LTBP2: variants seen among roughly 807,000 people sequenced by gnomAD.
LTBP2 encodes the protein latent transforming growth factor beta binding protein 2.
In LTBP2, 103 loss-of-function variants were observed where a neutral mutation model predicts 210.6. The observed-to-expected ratio is 0.49, with a 90% CI of 0.42 to 0.58. The LOEUF is 0.58. LTBP2 is among the 20% of genes least tolerant of loss of function. The probability of loss-of-function intolerance (pLI) is 0.00; values close to 1 mark genes in which losing one functional copy is unlikely to be tolerated. For missense variants in LTBP2, 2,313 were observed against 2,494.5 expected (o/e 0.93, Z 1.55); for synonymous variants, 1,007 against 1,015.0 (o/e 0.99, Z 0.15).
chr14:74,522,723 C>A (rs76633404), intron 16 of LTBP2, 67 bp downstream of exon 16: 4 of 1,535,164 alleles, frequency 2.6e-6, no homozygotes, highest in Middle Eastern at 1.8e-4. Context: ...ACTCTCAACT[C>A]GGCCTCTTAG....
At chr14:74,591,580 CTT>C (rs1213559614) in intron 2 of LTBP2, among the ~76,000 whole-genome samples, 1 of 152,240 alleles carries the variant, frequency 6.6e-6, no homozygotes, top group Non-Finnish European at 1.5e-5. Context: ...CGCATCCTCT[CTT>C]GTTTTCACAA....
chr14:74,535,954 G>A lies in LTBP2; in HGVS notation c.1836C>T (p.Tyr612=), dbSNP rs371516716. ...GGCAGTGAGTGAGGTTCAGTCTCTT[G>A]TACCCCTGAGGACACTCCAGCTGGC... The part of the protein sequence containing the change: ...ENGQLECPQG[Y]KRLNLTHCQD... The change falls in exon 9 of 36, where the codon TAC becomes TAT. Residue 612 remains tyrosine, a synonymous_variant. Transcript: ENST00000261978. The A allele has an allele frequency of 1.2e-5, 19 of 1,614,040 alleles. No homozygotes were observed. Among genetic ancestry groups the A allele is most frequent in the Middle Eastern group, 1.6e-4 (1 of 6,084 alleles).
rs763400358 is a variant in LTBP2, at chr14:74,507,228, A to G, written c.3858T>C (p.Val1286=). ...CENSPGSYRC[V]LGCQPGFHMA... is the part of the protein sequence containing the mutation. Reference sequence around the variant, plus strand: ...TGTGGAAGCCAGGCTGGCAGCCCAGAACACAGCGGTAGGAGCCAGGGCTGT... The same window carrying G: ...TGTGGAAGCCAGGCTGGCAGCCCAGGACACAGCGGTAGGAGCCAGGGCTGT... The change falls in exon 26 of 36, where the codon GTT becomes GTC. Residue 1286 remains valine (V), a synonymous_variant. Transcript: ENST00000261978. 2 of 1,614,162 alleles carry G rather than the reference A, an allele frequency of 1.2e-6. No individual in the cohort carries two copies. The highest frequency in any genetic ancestry group is 1.6e-4 in the Middle Eastern group (1 of 6,062).
At chr14:74,539,140 T>A (rs2087460181) in intron 8 of LTBP2, among the ~76,000 whole-genome samples, 1 of 152,240 alleles carries the variant, frequency 6.6e-6, no homozygotes, top group Admixed American at 6.5e-5. Context: ...TGGGTACACA[T>A]GGTCATGTCT....
At position 74,506,763 on chromosome 14, in the gene LTBP2, T is replaced by A; in HGVS notation, c.3968A>T (p.Asp1323Val). 6.2e-7 allele frequency: 1 copy of A among 1,614,002 alleles called. No homozygotes were observed. Among genetic ancestry groups the A allele is most frequent in the Non-Finnish European group, 8.5e-7 (1 of 1,180,006 alleles). Residue 1323 changes from aspartate (D) to valine (V), a missense_variant, in exon 27 of 36, where the codon GAT becomes GTT. Physicochemically the swap from Asp to Val is radical, Grantham distance 152. Transcript: ENST00000261978. ...CGSHGFCDNT[D>V]GSFRCLCDQG... ...GTCACAGAGGCAGCGGAAGGAGCCA[T>A]CAGTGTTGTCACAGAAGCCGTGGCT...
At chr14:74,513,538 C>T (rs1048950775) in intron 18 of LTBP2, among the ~76,000 whole-genome samples, 4 of 152,214 alleles carry the variant, frequency 2.6e-5, no homozygotes, top group Non-Finnish European at 2.9e-5. Context: ...CATGGTGACT[C>T]GCGCCTGTAA....
chr14:74,558,211 C>G (rs2087752764), intron 3 of LTBP2, among the ~76,000 whole-genome samples: 1 of 152,138 alleles, frequency 6.6e-6, no homozygotes, highest in Non-Finnish European at 1.5e-5. Flanking sequence ...ACCAGCCTGA[C>G]CAACAGAGAG....
In LTBP2 at chr14:74,505,170, C is replaced by T. The variant is rs1340035393; in HGVS notation, c.4182G>A (p.Gln1394=). The T allele has an allele frequency of 2.5e-6, 4 of 1,612,714 alleles. No individual in the cohort carries two copies. Among genetic ancestry groups the T allele is most frequent in the Admixed American group, 1.7e-5 (1 of 60,034 alleles). The part of the protein sequence containing the change: ...GHCRPRGAGG[Q]SMSEAPTGDH... ...CCCCCGTTGGGGCCTCAGACATACTCTGACCTGTGCGTGACAGATGCTCAT... is the reference window on the plus strand; with the variant it reads ...CCCCCGTTGGGGCCTCAGACATACTTTGACCTGTGCGTGACAGATGCTCAT... The change falls in exon 29 of 36, where the codon CAG becomes CAA. Residue 1394 remains glutamine, a synonymous_variant. Coordinates refer to ENST00000261978, the MANE Select transcript of LTBP2 (RefSeq NM_000428.3).
At chr14:74,601,941 T>A (rs60328208) in intron 2 of LTBP2, among the ~76,000 whole-genome samples, 17,547 of 152,120 alleles carry the variant, frequency 0.12, 2,063 homozygotes, top group African/African-American at 0.29. Flanking sequence ...GGCTTGGGAC[T>A]GGCAGAGGCA....
chr14:74,572,793 T>C (rs1401734748), intron 3 of LTBP2, among the ~76,000 whole-genome samples: 1 of 152,116 alleles, frequency 6.6e-6, no homozygotes, highest in African/African-American at 2.4e-5. Flanking sequence ...AGACCCTCAC[T>C]GAGTGAGCAG....
chr14:74,518,991 C>T (rs2087168813), intron 17 of LTBP2, among the ~76,000 whole-genome samples: 1 of 152,202 alleles, frequency 6.6e-6, no homozygotes, highest in African/African-American at 2.4e-5. Context: ...AAAACTCCCT[C>T]ACTCCATGGA....
intron 2 of LTBP2, among the ~76,000 whole-genome samples, chr14:74,603,235 C>T (rs2088473375): frequency 6.6e-6 from 1 of 152,122 alleles, no homozygotes; most frequent in Non-Finnish European, 1.5e-5. Context: ...TCAAGTGATT[C>T]TCCTACCTCA....
At chr14:74,597,660 T>G (rs764220412) in intron 2 of LTBP2, among the ~76,000 whole-genome samples, 1 of 152,080 alleles carries the variant, frequency 6.6e-6, no homozygotes, top group Non-Finnish European at 1.5e-5. Context: ...CCCAGGAAGA[T>G]CTCCCCAGGA....
Position 74,503,299 on chromosome 14 carries a change from C to A in LTBP2, c.4808G>T (p.Arg1603Leu). ...GCAGCAGCATTCCGTGTAGGTGGTG[C>A]GGTGCCCACGCAGGGGTTCGCTGCA... The part of the protein sequence containing the change: ...DVCSEPLRGH[R>L]TTYTECCCQD... The change falls in exon 33 of 36, where the codon CGC (arginine) becomes CTC (leucine). Residue 1603 changes from arginine to leucine, a missense_variant. By Grantham distance (102) the Arg-to-Leu change is moderately radical. Transcript: ENST00000261978. 6.2e-7 allele frequency: 1 copy of A among 1,613,968 alleles called. No individual in the cohort carries two copies. The highest frequency in any genetic ancestry group is 1.3e-5 in the African/African-American group (1 of 75,062).
At chr14:74,519,775 C>A (rs1054380069) in intron 17 of LTBP2, among the ~76,000 whole-genome samples, 3 of 152,194 alleles carry the variant, frequency 2.0e-5, no homozygotes, top group Non-Finnish European at 2.9e-5. Context: ...AAACTTGTGT[C>A]TGCACCAGTC....
chr14:74,538,606 A>G (rs12588574), intron 8 of LTBP2, among the ~76,000 whole-genome samples: 102,662 of 152,070 alleles, frequency 0.68, 35,944 homozygotes, highest in Non-Finnish European at 0.78. Context: ...AGAAGGAGGC[A>G]CCACATTTTC....
In LTBP2 at chr14:74,587,428, G is replaced by A. The variant is rs749953948; in HGVS notation, c.566-1310C>T. Among the ~76,000 whole-genome samples, 22 of 151,830 alleles carry A rather than the reference G, an allele frequency of 1.4e-4. No individual in the cohort carries two copies. The South Asian group carries it at 1.9e-3, about 13-fold the overall frequency. Reference sequence around the variant, plus strand: ...CCCAGGTGATGCAGGGGTCCAGGCCGAACCAGGAGACTCAGATGGGGCGGC... The same window carrying A: ...CCCAGGTGATGCAGGGGTCCAGGCCAAACCAGGAGACTCAGATGGGGCGGC... On this transcript the variant is annotated intron_variant, in intron 2 of 35. Transcript: ENST00000261978.
intron 3 of LTBP2, among the ~76,000 whole-genome samples, chr14:74,564,863 A>C (rs1440919069): frequency 6.6e-6 from 1 of 152,124 alleles, no homozygotes; most frequent in African/African-American, 2.4e-5. Context: ...AGGTGGCTGA[A>C]CTCCTAAGTG....
rs1476023249 is a variant in LTBP2, at chr14:74,501,467, A to C, written c.5294T>G (p.Leu1765Arg). ...YTCDCFEGFQ[L>R]DAAHMACVDV... ...TACGCAGGCCATGTGGGCCGCATCC[A>C]GCTGGAAGCCCTCAAAACAGTCACA... The change falls in exon 35 of 36, where the codon CTG (leucine) becomes CGG (arginine). Residue 1765 changes from leucine (L) to arginine (R), a missense_variant. Leu to Arg is a moderately radical substitution (Grantham distance 102, BLOSUM62 -2). Transcript: ENST00000261978. The C allele has an allele frequency of 6.2e-7, 1 of 1,614,190 alleles. No individual in the cohort carries two copies. The highest frequency in any genetic ancestry group is 8.5e-7 in the Non-Finnish European group (1 of 1,180,018).
Sources: gnomAD v4.1 joint callset for allele counts (sites outside exome capture counted in the v4.1 genomes callset) on GRCh38, gnomAD v4.1.1 for gene constraint, MANE v1.5 for transcripts, NCBI Gene and HGNC (gene_info 2026-07-23, HGNC 2026-07-21) for gene names.